SELP: variants seen among roughly 807,000 people sequenced by gnomAD.
SELP encodes the protein P-selectin.
Under a neutral mutation model 104.1 loss-of-function variants are expected in SELP, and 92 were observed. The ratio of observed to expected loss-of-function variants is 0.88; its 90% CI spans 0.75 to 1.05. The LOEUF (loss-of-function observed/expected upper bound fraction) is 1.05. SELP is among the 50% of genes least tolerant of loss of function. The probability of loss-of-function intolerance (pLI) is 0.00; values close to 1 mark genes in which losing one functional copy is unlikely to be tolerated. For missense variants in SELP, 1,022 were observed against 1,017.3 expected, an observed-to-expected ratio of 1.00 and a Z score of -0.06; for synonymous variants, 397 against 364.5, an observed-to-expected ratio of 1.09 and a Z score of -1.01.
At chr1:169,603,244 G>T in intron 9 of SELP, 33 bp from the exon 10 acceptor site, 1 of 1,582,470 alleles carries the variant, frequency 6.3e-7, no homozygotes, top group Non-Finnish European at 8.6e-7. Flanking sequence ...GAAAAGAAGA[G>T]ATCATTTTAT....
intron 9 of SELP, among the ~76,000 whole-genome samples, chr1:169,603,948 T>C (rs1254370535): frequency 6.6e-6 from 1 of 152,212 alleles, no homozygotes; most frequent in Non-Finnish European, 1.5e-5. Flanking sequence ...TGATTTATAA[T>C]CCTTTGGGTA....
intron 2 of SELP, among the ~76,000 whole-genome samples, 159 bp downstream of exon 2, chr1:169,618,970 A>T (rs1662960595): frequency 6.6e-6 from 1 of 152,202 alleles, no homozygotes; most frequent in African/African-American, 2.4e-5. Flanking sequence ...CTTTCTACCA[A>T]TATGATGGCG....
chr1:169,612,747 A>AAAAT (rs1662607848), intron 5 of SELP, among the ~76,000 whole-genome samples, 182 bp downstream of exon 5: 4 of 152,294 alleles, frequency 2.6e-5, no homozygotes, highest in African/African-American at 9.6e-5. Context: ...TACCCATAAA[A>AAAAT]AAATACCATG....
In SELP at chr1:169,603,092, A is replaced by G. The variant is rs763824027; in HGVS notation, c.1639T>C (p.Ser547Pro). 6.2e-7 allele frequency: 1 copy of G among 1,614,118 alleles called. No individual in the cohort carries two copies. Among genetic ancestry groups the G allele is most frequent in the Non-Finnish European group, 8.5e-7 (1 of 1,180,002 alleles). Residue 547 changes from serine to proline, a missense_variant, in exon 10 of 17, where the codon TCT becomes CCT. By Grantham distance (74) the Ser-to-Pro change is moderately conservative. Transcript: ENST00000263686. ...GTACAATCCAATCTTTCTGGTCCAG[A>G]CAAAGAATATCCCTCGTCACAGATG... ...QFICDEGYSL[S>P]GPERLDCTRS...
intron 12 of SELP, among the ~76,000 whole-genome samples, chr1:169,595,210 T>C (rs1661545059): frequency 1.3e-5 from 2 of 152,218 alleles, no homozygotes; most frequent in Non-Finnish European, 2.9e-5. Context: ...ATGTTATTAC[T>C]ACATTTGTGA....
chr1:169,617,484 CTTCT>C, intron 2 of SELP, 70 bp from the exon 3 acceptor site: 8 of 1,466,206 alleles, frequency 5.5e-6, no homozygotes, highest in Non-Finnish European at 7.5e-6. Context: ...CCCAAGTATG[CTTCT>C]GCATACTCAG....
intron 14 of SELP, 104 bp downstream of exon 14, chr1:169,593,501 A>T (rs1661440670): frequency 1.2e-6 from 1 of 861,094 alleles, no homozygotes; most frequent in Non-Finnish European, 1.8e-6. Flanking sequence ...TTCCAACATG[A>T]ACTACTGAAG....
At chr1:169,601,287 T>C (rs1189082300) in intron 10 of SELP, among the ~76,000 whole-genome samples, 4 of 152,202 alleles carry the variant, frequency 2.6e-5, no homozygotes, top group Non-Finnish European at 5.9e-5. Flanking sequence ...TAGCATTTTA[T>C]GTCTTTCACC....
At chr1:169,610,627 G>A (rs1662473728) in intron 7 of SELP, among the ~76,000 whole-genome samples, 1 of 151,926 alleles carries the variant, frequency 6.6e-6, no homozygotes. Context: ...TGAAACCCTA[G>A]TCTCTATTAA....
intron 6 of SELP, among the ~76,000 whole-genome samples, 164 bp from the exon 7 acceptor site, chr1:169,611,841 G>T (rs1397039479): frequency 6.6e-6 from 1 of 152,016 alleles, no homozygotes; most frequent in African/African-American, 2.4e-5. Context: ...CAGTTCCCAG[G>T]GTGATCTGAG....
In SELP at chr1:169,612,983, T is replaced by G; in HGVS notation, c.721A>C (p.Lys241Gln). 6.2e-7 allele frequency: 1 copy of G among 1,613,744 alleles called. No homozygotes were observed. ...TDGYQVNGPS[K>Q]LECLASGIWT... ...ATTCCAGAAGCCAAGCATTCCAGCTTGCTGGGCCCATTTACTTGGTACCCG... is the reference window on the plus strand; with the variant it reads ...ATTCCAGAAGCCAAGCATTCCAGCTGGCTGGGCCCATTTACTTGGTACCCG... The change falls in exon 5 of 17, where the codon AAG becomes CAG. Residue 241 changes from lysine to glutamine, a missense_variant. Lys to Gln is a moderately conservative substitution (Grantham distance 53). Coordinates refer to ENST00000263686, the MANE Select transcript of SELP (RefSeq NM_003005.4).
In SELP at chr1:169,619,118, A is replaced by T. The variant is rs770892339; in HGVS notation, c.94+11T>A. 1 of 1,607,170 alleles carries T rather than the reference A, an allele frequency of 6.2e-7. No homozygotes were observed. The highest frequency in any genetic ancestry group is 2.2e-5 in the East Asian group (1 of 44,818). On this transcript the variant is annotated intron_variant, in intron 2 of 16. Coordinates refer to ENST00000263686, the MANE Select transcript of SELP (RefSeq NM_003005.4). Reference sequence around the variant, plus strand: ...ACTTAGGCCTAAGTGAAAAGTTAGCATAAAGTTTACCAGAGATCAGGGCAC... The same window carrying T: ...ACTTAGGCCTAAGTGAAAAGTTAGCTTAAAGTTTACCAGAGATCAGGGCAC...
Position 169,594,868 on chromosome 1 carries a change from C to A in SELP, c.2111G>T (p.Cys704Phe). 6.2e-7 allele frequency: 1 copy of A among 1,610,278 alleles called. No homozygotes were observed. The highest frequency in any genetic ancestry group is 8.5e-7 in the Non-Finnish European group (1 of 1,177,472). ...AVTPACRAVK[C>F]SELHVNKPIA... ...TGGCTTATTAACATGTAGTTCTGAGCATTTCACAGCTGCAGAAAAGAAATA... is the reference window on the plus strand; with the variant it reads ...TGGCTTATTAACATGTAGTTCTGAGAATTTCACAGCTGCAGAAAAGAAATA... Residue 704 changes from cysteine (C) to phenylalanine (F), a missense_variant, in exon 13 of 17, where the codon TGC becomes TTC. Physicochemically the swap from Cys to Phe is radical, Grantham distance 205. Coordinates refer to ENST00000263686, the MANE Select transcript of SELP (RefSeq NM_003005.4).
In SELP at chr1:169,612,126, C is replaced by A. The variant is rs3917725; in HGVS notation, c.961+91G>T. 3.9e-3 allele frequency: 5,299 copies of A among 1,345,464 alleles called. 141 individuals carry two copies. The African/African-American group carries it at 0.055, about 14-fold the overall frequency. The allele number at this position is 1,345,464 out of a possible 1,614,324, so 83.3% of individuals were successfully genotyped here. A position where few individuals can be genotyped will look rare whatever the true frequency, so the allele number is the denominator to read the frequency against. On this transcript the variant is annotated intron_variant, in intron 6 of 16. Coordinates refer to ENST00000263686, the MANE Select transcript of SELP (RefSeq NM_003005.4). ...AGAATTAAATTTTGGCAATTCAGGC[C>A]AGCTTCTCCATAAGCTGGTCAATTT...
intron 10 of SELP, among the ~76,000 whole-genome samples, chr1:169,601,938 C>A (rs922661963): frequency 6.6e-6 from 1 of 152,116 alleles, no homozygotes; most frequent in African/African-American, 2.4e-5. Flanking sequence ...CTGAACAATA[C>A]ATTAGAACAA....
In SELP at chr1:169,616,150, C is replaced by T. The variant is rs180810641; in HGVS notation, c.481+878G>A. On this transcript the variant is annotated intron_variant, in intron 3 of 16. Transcript: ENST00000263686. ...GTAAAGTTGAGAATTAAAATACACT[C>T]GAAGTATTTCACCTTCAATTACTTC... Among the ~76,000 whole-genome samples, 56 of 152,286 alleles carry T rather than the reference C, an allele frequency of 3.7e-4. 1 individual carries two copies. The highest frequency in any genetic ancestry group is 7.7e-4 in the East Asian group (4 of 5,192).
At chr1:169,612,095 A>G (rs1662569371) in intron 6 of SELP, 122 bp downstream of exon 6, 3 of 932,154 alleles carry the variant, frequency 3.2e-6, no homozygotes, top group Admixed American at 4.9e-5. Flanking sequence ...AATGGCAGGT[A>G]GGAAGAGAAT....
At chr1:169,592,811 T>C (rs1480729975) in intron 14 of SELP, among the ~76,000 whole-genome samples, 1 of 152,176 alleles carries the variant, frequency 6.6e-6, no homozygotes, top group Non-Finnish European at 1.5e-5. Flanking sequence ...GGGCAGCTTC[T>C]TCTGCCCCTA....
At chr1:169,595,029 T>G in intron 12 of SELP, 152 bp from the exon 13 acceptor site, 1 of 621,986 alleles carries the variant, frequency 1.6e-6, no homozygotes, top group South Asian at 2.3e-5. Context: ...ACAGTAGCTC[T>G]TCTAACAGCA....
Sources: allele counts gnomAD v4.1 joint callset (sites outside exome capture counted in the v4.1 genomes callset), GRCh38; gene constraint gnomAD v4.1.1; transcripts MANE v1.5; gene names NCBI Gene and HGNC (gene_info 2026-07-23, HGNC 2026-07-21).